The following ASTN2 variants were observed in gnomAD, a reference collection of about 807,000 sequenced individuals.
The protein encoded by ASTN2 is astrotactin-2.
ASTN2 carries 54 observed loss-of-function variants against 139.8 expected under a neutral mutation model. The observed-to-expected ratio is 0.39, with a 90% confidence interval of 0.31 to 0.48. The LOEUF is 0.48. ASTN2 is among the 20% of genes least tolerant of loss of function. The pLI is 0.95. For synonymous variants in ASTN2, 756 were observed against 719.5 expected, an observed-to-expected ratio of 1.05 and a Z score of -0.81; for missense variants, 1,565 against 1,725.1, an observed-to-expected ratio of 0.91 and a Z score of 1.64.
At chr9:116,639,445 T>A (rs1184706573) in intron 17 of ASTN2, among the ~76,000 whole-genome samples, 1 of 152,198 alleles carries the variant, frequency 6.6e-6, no homozygotes, top group Non-Finnish European at 1.5e-5. Context: ...GGAATGACTT[T>A]TTTTTTCTTC....
chr9:117,346,893 T>C (rs185327151), intron 1 of ASTN2, among the ~76,000 whole-genome samples: 34 of 152,288 alleles, frequency 2.2e-4, no homozygotes, highest in East Asian at 1.5e-3. Context: ...AAGGTTGTTA[T>C]GAAGATTAAA....
chr9:117,391,290 CT>C (rs1436280050), intron 1 of ASTN2, among the ~76,000 whole-genome samples: 2 of 152,058 alleles, frequency 1.3e-5, no homozygotes, highest in African/African-American at 4.8e-5. Context: ...TTTCATGCTG[CT>C]GATAAAGACA....
chr9:116,620,466 A>G (rs1185273738), intron 17 of ASTN2, 23 bp from the exon 18 acceptor site: 4 of 1,613,802 alleles, frequency 2.5e-6, no homozygotes, highest in Admixed American at 1.7e-5. Flanking sequence ...AGAGGACAGA[A>G]TAGACAATGA....
intron 22 of ASTN2, among the ~76,000 whole-genome samples, chr9:116,438,159 C>T (rs1361757863): frequency 6.6e-6 from 1 of 152,196 alleles, no homozygotes; most frequent in Non-Finnish European, 1.5e-5. Context: ...TCCAATGCAC[C>T]AATGCCACCC....
chr9:117,180,626 T>TA, intron 3 of ASTN2: 1 of 1,153,458 alleles, frequency 8.7e-7, no homozygotes, highest in Non-Finnish European at 1.2e-6. Flanking sequence ...ATCTGGAGTA[T>TA]CTTTTTTTTT....
intron 1 of ASTN2, among the ~76,000 whole-genome samples, chr9:117,293,652 T>A (rs1162372803): frequency 4.6e-5 from 7 of 152,138 alleles, no homozygotes; most frequent in African/African-American, 1.7e-4. Context: ...CATCCCAGGC[T>A]GGGGTGATCT....
At chr9:116,986,849 T>C (rs1836697436) in intron 7 of ASTN2, among the ~76,000 whole-genome samples, 1 of 152,150 alleles carries the variant, frequency 6.6e-6, no homozygotes, top group African/African-American at 2.4e-5. Flanking sequence ...GAATTAAGTG[T>C]TTTACAGAGA....
intron 17 of ASTN2, among the ~76,000 whole-genome samples, chr9:116,640,277 T>A (rs1046194109): frequency 1.3e-5 from 2 of 152,160 alleles, no homozygotes; most frequent in African/African-American, 4.8e-5. Context: ...TGTTTCTTCC[T>A]CATAAACTCT....
chr9:116,547,542 T>C (rs1198668531), intron 19 of ASTN2: 3 of 152,232 alleles, frequency 2.0e-5, no homozygotes, highest in Non-Finnish European at 4.4e-5. Flanking sequence ...TTCAGGGCTA[T>C]GTACCTGCGG....
intron 2 of ASTN2, among the ~76,000 whole-genome samples, chr9:117,263,281 C>A (rs1270882069): frequency 1.3e-5 from 2 of 152,088 alleles, no homozygotes; most frequent in Admixed American, 1.3e-4. Flanking sequence ...CCAGAGGAAA[C>A]CAGAGTGAAG....
intron 10 of ASTN2, among the ~76,000 whole-genome samples, chr9:116,958,182 A>G (rs764596635): frequency 6.6e-5 from 10 of 152,216 alleles, no homozygotes; most frequent in Non-Finnish European, 1.3e-4. Context: ...AGGCTATGTG[A>G]ATACTCTGCT....
chr9:117,302,220 C>A (rs923518104), intron 1 of ASTN2, among the ~76,000 whole-genome samples: 1 of 152,056 alleles, frequency 6.6e-6, no homozygotes, highest in African/African-American at 2.4e-5. Context: ...CCCCGTAAAC[C>A]TTTTAAAGTT....
chr9:117,266,886 A>G (rs1298466659), intron 2 of ASTN2, among the ~76,000 whole-genome samples: 2 of 152,226 alleles, frequency 1.3e-5, no homozygotes, highest in East Asian at 3.9e-4. Flanking sequence ...TTCACAAATT[A>G]TTTGAAGCTT....
Position 117,043,839 on chromosome 9 carries a change from T to C in ASTN2, c.1277-3874A>G, listed in dbSNP as rs1587896079. On this transcript the variant is annotated intron_variant, in intron 5 of 22. Transcript: ENST00000313400. Reference sequence around the variant, plus strand: ...ACGAGAATCGCTTGAACCCAGGAGGTGGAGGTTGCAATGAGCTGAGATCGC... The same window carrying C: ...ACGAGAATCGCTTGAACCCAGGAGGCGGAGGTTGCAATGAGCTGAGATCGC... Among the ~76,000 whole-genome samples, 3 of 139,984 alleles carry C rather than the reference T, an allele frequency of 2.1e-5. No individual in the cohort carries two copies. In the Admixed American group the frequency reaches 2.3e-4, roughly 11 times the overall value. The allele number at this position is 139,984 out of a possible 152,430, so 91.8% of individuals were successfully genotyped here. A position where few individuals can be genotyped will look rare whatever the true frequency, so the allele number is the denominator to read the frequency against.
chr9:117,067,713 G>A lies in ASTN2; in HGVS notation c.1277-27748C>T, dbSNP rs1236502989. 2.6e-5 allele frequency among the ~76,000 whole-genome samples: 3 copies of A among 114,254 alleles called. 1 individual carries two copies. The highest frequency in any genetic ancestry group is 9.6e-5 in the African/African-American group (3 of 31,398). The allele number at this position is 114,254 out of a possible 152,430, so 75.0% of individuals were successfully genotyped here. ...AGTGGTTTGTAGTTCTCCTTGAAGA[G>A]GTCCTTCACATCCCTTGTAAGTTGG... On this transcript the variant is annotated intron_variant, in intron 5 of 22. Coordinates refer to ENST00000313400, the MANE Select transcript of ASTN2 (RefSeq NM_001365068.1).
At chr9:117,210,282 T>C (rs1288741425) in intron 3 of ASTN2, among the ~76,000 whole-genome samples, 2 of 151,746 alleles carry the variant, frequency 1.3e-5, no homozygotes, top group Non-Finnish European at 2.9e-5. Flanking sequence ...ATAAACAAAA[T>C]TGATGAACTA....
intron 2 of ASTN2, among the ~76,000 whole-genome samples, chr9:117,244,512 T>C (rs2133079179): frequency 6.8e-6 from 1 of 148,062 alleles, no homozygotes; most frequent in Admixed American, 6.7e-5. Context: ...CACATGGTCT[T>C]ATCTTAGAAC....
At chr9:117,404,136 G>C (rs935030767) in intron 1 of ASTN2, among the ~76,000 whole-genome samples, 3 of 152,190 alleles carry the variant, frequency 2.0e-5, no homozygotes, top group African/African-American at 7.2e-5. Context: ...ACAGCTTAGT[G>C]TAAGTAAAAA....
chr9:117,403,285 CT>C (rs1171546396), intron 1 of ASTN2, among the ~76,000 whole-genome samples: 7 of 152,114 alleles, frequency 4.6e-5, no homozygotes. Flanking sequence ...TTGCTGCTGG[CT>C]GTAAAAGTCT....
Sources: gnomAD v4.1 joint callset for allele counts (sites outside exome capture counted in the v4.1 genomes callset) on GRCh38, gnomAD v4.1.1 for gene constraint, MANE v1.5 for transcripts, NCBI Gene and HGNC (gene_info 2026-07-23, HGNC 2026-07-21) for gene names.